HIPK2: variants seen among roughly 807,000 people sequenced by gnomAD.
HIPK2 encodes homeodomain interacting protein kinase 2, also known as homeodomain-interacting protein kinase 2.
HIPK2 carries 27 observed loss-of-function variants against 113.7 expected under a neutral mutation model. The observed-to-expected ratio is 0.24, with a 90% CI of 0.17 to 0.33. The LOEUF is 0.33. Ranked by LOEUF, HIPK2 falls within the 10% of genes least tolerant of loss-of-function variation. The pLI is 1.00. For missense variants in HIPK2, 1,257 were observed against 1,588.0 expected, an observed-to-expected ratio of 0.79 and a Z score of 3.54; for synonymous variants, 631 against 642.2, an observed-to-expected ratio of 0.98 and a Z score of 0.26.
chr7:139,729,349 G>C (rs927735657), intron 1 of HIPK2, among the ~76,000 whole-genome samples: 1 of 142,740 alleles, frequency 7.0e-6, no homozygotes, highest in African/African-American at 2.6e-5. Flanking sequence ...GAGAGAGAGA[G>C]AGAGAGAGAG....
chr7:139,586,156 A>G (rs1010202962), intron 12 of HIPK2, among the ~76,000 whole-genome samples: 6 of 152,232 alleles, frequency 3.9e-5, no homozygotes, highest in Non-Finnish European at 1.5e-5. Context: ...TTGGTTGCAT[A>G]TATTTATGGC....
At chr7:139,577,306 G>A (rs1227565114) in intron 13 of HIPK2, among the ~76,000 whole-genome samples, 1 of 151,916 alleles carries the variant, frequency 6.6e-6, no homozygotes, top group Non-Finnish European at 1.5e-5. Context: ...CCGGCACCAC[G>A]CCTGGCTAAC....
intron 1 of HIPK2, among the ~76,000 whole-genome samples, chr7:139,728,178 A>G (rs1333965545): frequency 6.6e-6 from 1 of 152,062 alleles, no homozygotes; most frequent in East Asian, 1.9e-4. Flanking sequence ...CCTGGGCTCA[A>G]GCGATCCTCC....
At chr7:139,591,585 A>G (rs1023122397) in intron 12 of HIPK2, among the ~76,000 whole-genome samples, 3 of 152,316 alleles carry the variant, frequency 2.0e-5, no homozygotes, top group Admixed American at 2.0e-4. Context: ...CAGTAGGGTG[A>G]AGTGTCTCTT....
intron 13 of HIPK2, among the ~76,000 whole-genome samples, chr7:139,578,892 G>A (rs1448832993): frequency 2.6e-5 from 4 of 152,006 alleles, no homozygotes; most frequent in Admixed American, 6.6e-5. Flanking sequence ...GGCTGGTCTC[G>A]AACTCCTGAT....
chr7:139,700,819 C>T (rs1194147994), intron 2 of HIPK2, among the ~76,000 whole-genome samples: 4 of 152,148 alleles, frequency 2.6e-5, no homozygotes, highest in Admixed American at 2.0e-4. Flanking sequence ...AGCCCCAGCA[C>T]ATTCCTCAAA....
At chr7:139,776,588 A>G (rs1585475023) in intron 1 of HIPK2, among the ~76,000 whole-genome samples, 1 of 147,492 alleles carries the variant, frequency 6.8e-6, no homozygotes, top group East Asian at 2.0e-4. Context: ...TCATCCACAG[A>G]ATATCTGAAC....
In HIPK2 at chr7:139,583,805, GC is replaced by G; in HGVS notation, c.2965+11del. 1 of 1,606,818 alleles carries G rather than the reference GC, an allele frequency of 6.2e-7. No homozygotes were observed. Among genetic ancestry groups the G allele is most frequent in the Non-Finnish European group, 8.5e-7 (1 of 1,176,450 alleles). On this transcript the variant is annotated intron_variant, in intron 13 of 14. Coordinates refer to ENST00000406875, the MANE Select transcript of HIPK2 (RefSeq NM_022740.5). ...AGGGAGAGGTTCCTGCCCTGTCCTG[GC>G]CCCAAATTACCTGGCACCAGGCTAT...
intron 7 of HIPK2, among the ~76,000 whole-genome samples, chr7:139,619,996 T>C (rs1800179851): frequency 6.6e-6 from 1 of 152,110 alleles, no homozygotes; most frequent in Admixed American, 6.5e-5. Flanking sequence ...TTCCTGGCTT[T>C]AAGTGATCCT....
chr7:139,645,461 A>C (rs1421122914), intron 2 of HIPK2, among the ~76,000 whole-genome samples: 1 of 152,250 alleles, frequency 6.6e-6, no homozygotes, highest in Non-Finnish European at 1.5e-5. Flanking sequence ...GGGATATTCC[A>C]ATAAAACAGG....
intron 1 of HIPK2, among the ~76,000 whole-genome samples, chr7:139,749,109 C>A (rs1480459749): frequency 6.6e-6 from 1 of 152,238 alleles, no homozygotes; most frequent in Admixed American, 6.5e-5. Flanking sequence ...CCTCCAAGTT[C>A]ATCAAACCGC....
chr7:139,613,309 G>C lies in HIPK2; in HGVS notation c.2005C>G (p.Pro669Ala). 1 of 1,613,552 alleles carries C rather than the reference G, an allele frequency of 6.2e-7. No homozygotes were observed. Among genetic ancestry groups the C allele is most frequent in the Non-Finnish European group, 8.5e-7 (1 of 1,179,714 alleles). Residue 669 changes from proline to alanine, a missense_variant, in exon 9 of 15, where the codon CCC (proline) becomes GCC (alanine). Coordinates refer to ENST00000406875, the MANE Select transcript of HIPK2 (RefSeq NM_022740.5). This position sits in a 1 kb window ranked among gnomAD's most constrained non-coding sequence, Gnocchi z 4.2. ...ACCGAGTAGCCAGCGTGCTTAGAGG[G>C]AGAGGCCTGCAAGCCTGTTCCAGAC... ...PPGFQGLQAS[P>A]SKHAGYSVRM...
chr7:139,697,576 GTTTT>G (rs1222638169), intron 2 of HIPK2, among the ~76,000 whole-genome samples: 1 of 146,898 alleles, frequency 6.8e-6, no homozygotes, highest in East Asian at 2.0e-4. Context: ...TAGCCTAAAG[GTTTT>G]TTTTTTTCTG....
chr7:139,719,284 T>A (rs1795339140), intron 1 of HIPK2, among the ~76,000 whole-genome samples: 1 of 152,078 alleles, frequency 6.6e-6, no homozygotes, highest in African/African-American at 2.4e-5. Flanking sequence ...TTTTCATATT[T>A]TTAGTAGAGA....
At chr7:139,644,493 C>T (rs930425645) in intron 2 of HIPK2, among the ~76,000 whole-genome samples, 5 of 152,344 alleles carry the variant, frequency 3.3e-5, no homozygotes, top group African/African-American at 1.2e-4. Flanking sequence ...CCCAGGTGAG[C>T]GCAAAGGCCA....
At chr7:139,629,087 T>A (rs1457536398) in intron 4 of HIPK2, 48 bp from the exon 5 acceptor site, 9 of 1,458,832 alleles carry the variant, frequency 6.2e-6, no homozygotes, top group African/African-American at 1.4e-5. Context: ...TAGCTCCTCA[T>A]CACTGGGACT....
intron 2 of HIPK2, among the ~76,000 whole-genome samples, chr7:139,672,854 C>T (rs898717226): frequency 6.6e-6 from 1 of 152,196 alleles, no homozygotes; most frequent in African/African-American, 2.4e-5. Context: ...TTCTACATGA[C>T]TACCTCATCT....
intron 2 of HIPK2, among the ~76,000 whole-genome samples, chr7:139,675,820 C>T (rs1802477741): frequency 1.3e-5 from 2 of 152,172 alleles, no homozygotes; most frequent in Non-Finnish European, 2.9e-5. Flanking sequence ...GGAGGTAATA[C>T]TTGCCAACCC....
In HIPK2 at chr7:139,563,191, T is replaced by C. The variant is rs1385813551; in HGVS notation, c.*9736A>G. ...TACAGGAAGCTACCAAGGATGCACA[T>C]GGTCAAGTCACTTTCTACTTCCCAA... On this transcript the variant is annotated 3_prime_UTR_variant, in exon 15 of 15. Transcript: ENST00000406875. The C allele has an allele frequency of 1.3e-5, 2 of 152,438 alleles. No individual in the cohort carries two copies. The highest frequency in any genetic ancestry group is 2.4e-5 in the African/African-American group (1 of 41,432). 9.4% of individuals were successfully genotyped at this position (152,438 alleles called of 1,614,324 possible).
Sources: gnomAD v4.1 joint callset for allele counts (sites outside exome capture counted in the v4.1 genomes callset) on GRCh38, gnomAD v4.1.1 for gene constraint, Gnocchi (gnomAD v3.1) non-coding constraint, MANE v1.5 for transcripts, NCBI Gene and HGNC (gene_info 2026-07-23, HGNC 2026-07-21) for gene names.